PLEKHA6: variants seen among roughly 807,000 people sequenced by gnomAD.
PLEKHA6 encodes pleckstrin homology domain-containing family A member 6.
A neutral mutation model predicts 116.7 loss-of-function variants in PLEKHA6; 60 were observed. The observed-to-expected ratio is 0.51, with a 90% CI of 0.42 to 0.64. The LOEUF (loss-of-function observed/expected upper bound fraction) is 0.64, where lower values mean the gene tolerates loss of function less well. Among genes scored for constraint, PLEKHA6 ranks in the 30% least tolerant of loss-of-function variants. The probability of loss-of-function intolerance (pLI) is 0.00; values close to 1 mark genes in which losing one functional copy is unlikely to be tolerated. For missense variants in PLEKHA6, 1,338 were observed against 1,422.7 expected (o/e 0.94, Z 0.96); for synonymous variants, 489 against 556.1 (o/e 0.88, Z 1.70).
chr1:204,244,197 T>C (rs1388267965), intron 15 of PLEKHA6, among the ~76,000 whole-genome samples: 2 of 151,690 alleles, frequency 1.3e-5, no homozygotes, highest in Non-Finnish European at 2.9e-5. Flanking sequence ...AGTGGTGCGA[T>C]CTTGGTTCAC....
chr1:204,367,606 C>T (rs1235728711), intron 3 of PLEKHA6, among the ~76,000 whole-genome samples: 1 of 152,160 alleles, frequency 6.6e-6, no homozygotes, highest in Non-Finnish European at 1.5e-5. Flanking sequence ...CTGCCCAGGC[C>T]AACATAAACA....
At chr1:204,361,463 G>C (rs920954014), upstream of PLEKHA6, among the ~76,000 whole-genome samples, 1 of 152,218 alleles carries the variant, frequency 6.6e-6, no homozygotes, top group African/African-American at 2.4e-5. Flanking sequence ...GGGACCTAGA[G>C]AGCTACTGAA....
chr1:204,367,494 C>G (rs764056002), intron 3 of PLEKHA6, among the ~76,000 whole-genome samples: 2 of 152,152 alleles, frequency 1.3e-5, no homozygotes, highest in Non-Finnish European at 2.9e-5. Flanking sequence ...AGAACAGCCT[C>G]GTTCCTCTAC....
At chr1:204,230,131 G>A (rs1660955156) in intron 18 of PLEKHA6, among the ~76,000 whole-genome samples, 1 of 152,248 alleles carries the variant, frequency 6.6e-6, no homozygotes, top group African/African-American at 2.4e-5. Flanking sequence ...GGTGAATTCT[G>A]TACTATTCTC....
rs1157623611 is a variant in PLEKHA6, at chr1:204,257,201, G to A, written c.1524+152C>T. 1.2e-5 allele frequency: 9 copies of A among 731,448 alleles called. No homozygotes were observed. In the South Asian group the frequency reaches 1.3e-4, roughly 10 times the overall value. 45.3% of individuals were successfully genotyped at this position (731,448 alleles called of 1,614,324 possible). ...CTACAGACAGAACCACAGGCCAGGG[G>A]CTCCGCTGGGCAGCACTGCTGGTCC... On this transcript the variant is annotated intron_variant, in intron 9 of 22. Transcript: ENST00000272203. This position sits in a 1 kb window ranked among gnomAD's most constrained non-coding sequence, Gnocchi z 6.5.
chr1:204,300,051 A>T (rs531416647), intron 1 of PLEKHA6, among the ~76,000 whole-genome samples: 63 of 152,284 alleles, frequency 4.1e-4, no homozygotes, highest in African/African-American at 1.5e-3. Context: ...CAGTACTTAG[A>T]AGATAGAAGA....
chr1:204,286,034 G>A (rs755445019), intron 1 of PLEKHA6, among the ~76,000 whole-genome samples: 1 of 152,126 alleles, frequency 6.6e-6, no homozygotes, highest in East Asian at 1.9e-4. Flanking sequence ...AGGACAGCAG[G>A]CTTAGGATTC....
chr1:204,290,978 G>C (rs1669689620), intron 1 of PLEKHA6, among the ~76,000 whole-genome samples: 1 of 114,230 alleles, frequency 8.8e-6, no homozygotes. Context: ...GACAGAGTGA[G>C]ACCCTGTCTC....
At chr1:204,309,959 T>C (rs1405200138) in intron 1 of PLEKHA6, among the ~76,000 whole-genome samples, 1 of 152,170 alleles carries the variant, frequency 6.6e-6, no homozygotes, top group Non-Finnish European at 1.5e-5. Flanking sequence ...TGTGGCTATG[T>C]TTCAATAAAA....
chr1:204,267,543 C>G lies in PLEKHA6; in HGVS notation c.212G>C (p.Ser71Thr). ...TKAGWLFKQA[S>T]SGVKQWNKRW... ...CTTGTTCCACTGCTTAACCCCGGAG[C>G]TGGCCTGCGGGACATGGGAGAGGCA... The change falls in exon 5 of 23, where the codon AGC (serine) becomes ACC (threonine). Residue 71 changes from serine to threonine, a missense_variant. This residue lies in a region of PLEKHA6 where 140 missense variants were observed against 197.4 expected (regional missense o/e 0.71). Transcript: ENST00000272203. 1 of 1,613,892 alleles carries G rather than the reference C, an allele frequency of 6.2e-7. No homozygotes were observed. The highest frequency in any genetic ancestry group is 8.5e-7 in the Non-Finnish European group (1 of 1,179,782).
chr1:204,283,433 G>A (rs911045115), intron 1 of PLEKHA6, among the ~76,000 whole-genome samples: 3 of 152,244 alleles, frequency 2.0e-5, no homozygotes, highest in Non-Finnish European at 2.9e-5. Context: ...GAGGAAGAAA[G>A]GTTATGATGC....
chr1:204,275,022 T>A, intron 1 of PLEKHA6: 2 of 813,974 alleles, frequency 2.5e-6, no homozygotes, highest in Non-Finnish European at 3.0e-6. Flanking sequence ...CCTGGTCACC[T>A]CCCACTAGTC....
At chr1:204,275,350 A>G (rs1667891080) in intron 1 of PLEKHA6, among the ~76,000 whole-genome samples, 1 of 152,210 alleles carries the variant, frequency 6.6e-6, no homozygotes, top group South Asian at 2.1e-4. Context: ...GGACCCACCC[A>G]CACCCTAAGT....
At chr1:204,312,740 T>G (rs1470285570) in intron 1 of PLEKHA6, among the ~76,000 whole-genome samples, 1 of 152,160 alleles carries the variant, frequency 6.6e-6, no homozygotes, top group Non-Finnish European at 1.5e-5. Context: ...GAATCACAAA[T>G]GCCAAAATGC....
chr1:204,343,108 G>A (rs775673530), intron 1 of PLEKHA6, among the ~76,000 whole-genome samples: 6 of 152,134 alleles, frequency 3.9e-5, no homozygotes, highest in African/African-American at 1.2e-4. Context: ...ACAGCTGTCC[G>A]TGGGAAAATA....
rs1385086358 is a variant in PLEKHA6, at chr1:204,245,601, C to A, written c.2032+14G>T. 6.5e-7 allele frequency: 1 copy of A among 1,544,028 alleles called. No individual in the cohort carries two copies. The highest frequency in any genetic ancestry group is 2.2e-5 in the East Asian group (1 of 44,536). The stretch of plus-strand genomic sequence containing the variant: ...AGGCAGGCAGCCTAGGAGGCTGGCA[C>A]AGGAGGCACCCACCTCTGTGCTTGG... On this transcript the variant is annotated intron_variant, in intron 14 of 22. Coordinates refer to ENST00000272203, the MANE Select transcript of PLEKHA6 (RefSeq NM_014935.5).
chr1:204,276,254 GC>G, intron 1 of PLEKHA6, among the ~76,000 whole-genome samples: 1 of 152,310 alleles, frequency 6.6e-6, no homozygotes, highest in Middle Eastern at 3.4e-3. Flanking sequence ...AGGCTTGCCA[GC>G]CAGGACCCAA....
intron 1 of PLEKHA6, among the ~76,000 whole-genome samples, chr1:204,356,808 A>G (rs1248347756): frequency 6.6e-6 from 1 of 152,156 alleles, no homozygotes; most frequent in East Asian, 1.9e-4. Flanking sequence ...AGGTTTTTCT[A>G]CATTTTTAAA....
At chr1:204,322,350 T>C (rs1038592518) in intron 1 of PLEKHA6, among the ~76,000 whole-genome samples, 3 of 152,192 alleles carry the variant, frequency 2.0e-5, no homozygotes, top group Admixed American at 1.3e-4. Flanking sequence ...GGCTCTAAAC[T>C]GGATGACTTT....
Sources: gnomAD v4.1 joint callset for allele counts (sites outside exome capture counted in the v4.1 genomes callset) on GRCh38, gnomAD v4.1.1 for gene constraint, gnomAD v4.1.1 regional missense constraint, Gnocchi (gnomAD v3.1) non-coding constraint, MANE v1.5 for transcripts, NCBI Gene and HGNC (gene_info 2026-07-23, HGNC 2026-07-21) for gene names.